ZBTB25: variants seen among roughly 807,000 people sequenced by gnomAD.
The protein encoded by ZBTB25 is zinc finger and BTB domain-containing protein 25.
ZBTB25 carries 20 observed loss-of-function variants against 34.2 expected under a neutral mutation model. That is an observed-to-expected ratio of 0.58 (90% CI 0.41 to 0.85). ZBTB25 has a LOEUF of 0.85. ZBTB25 is among the 40% of genes least tolerant of loss of function. The pLI is 0.00. For synonymous variants in ZBTB25, 175 were observed against 186.4 expected (o/e 0.94, Z 0.50); for missense variants, 437 against 521.8 (o/e 0.84, Z 1.58).
chr14:64,455,481 C>CA (rs2078456152), intron 2 of ZBTB25, among the ~76,000 whole-genome samples: 2 of 152,230 alleles, frequency 1.3e-5, no homozygotes, highest in Admixed American at 1.3e-4. Flanking sequence ...AGTTGGGAAG[C>CA]AGAGGGGAGG....
chr14:64,481,786 A>AC lies in ZBTB25; in HGVS notation c.*5136dup, dbSNP rs2078797508. 1 of 152,262 alleles carries AC rather than the reference A, an allele frequency of 6.6e-6. No individual in the cohort carries two copies. The highest frequency in any genetic ancestry group is 6.5e-5 in the Admixed American group (1 of 15,286). 9.4% of individuals were successfully genotyped at this position (152,262 alleles called of 1,614,324 possible). A position where few individuals can be genotyped will look rare whatever the true frequency, so the allele number is the denominator to read the frequency against. ...TTTCAAAATGTCCAACCATACAAAC[A>AC]CAGAAGTACAGCAGAGAGAAATCAT... On this transcript the variant is annotated 3_prime_UTR_variant, in exon 3 of 3. Transcript: ENST00000608382.
In ZBTB25 at chr14:64,487,458, T is replaced by C. The variant is rs750604265; in HGVS notation, c.773A>G (p.His258Arg). Residue 258 changes from histidine to arginine, a missense_variant, in exon 3 of 3, where the codon CAT (histidine) becomes CGT (arginine). Transcript: ENST00000608382. ...TGGCAGGGATCCAGACACATGTGTATGGAGATGTTGCCTTAGGTTACTACG... is the reference window on the plus strand; with the variant it reads ...TGGCAGGGATCCAGACACATGTGTACGGAGATGTTGCCTTAGGTTACTACG... ...DSRSNLRQHL[H>R]THVSGSLPFG... 1.2e-6 allele frequency: 2 copies of C among 1,614,178 alleles called. No homozygotes were observed. The highest frequency in any genetic ancestry group is 1.7e-6 in the Non-Finnish European group (2 of 1,180,014).
Position 64,485,657 on chromosome 14 carries a change from G to C in ZBTB25, c.*1266C>G. ...AATGTATCCACTTTGCTGGTTTTAT[G>C]GATCAGGAAAAAAGTGAAAACTGTG... On this transcript the variant is annotated 3_prime_UTR_variant, in exon 3 of 3. Coordinates refer to ENST00000608382, the MANE Select transcript of ZBTB25 (RefSeq NM_006977.5). 6.1e-6 allele frequency: 6 copies of C among 985,284 alleles called. No homozygotes were observed. The highest frequency in any genetic ancestry group is 7.2e-6 in the Non-Finnish European group (6 of 829,900). 61.0% of individuals were successfully genotyped at this position (985,284 alleles called of 1,614,324 possible). A position where few individuals can be genotyped will look rare whatever the true frequency, so the allele number is the denominator to read the frequency against.
Position 64,486,368 on chromosome 14 carries a change from A to T in ZBTB25, c.*555T>A. 1 of 985,446 alleles carries T rather than the reference A, an allele frequency of 1.0e-6. No homozygotes were observed. Among genetic ancestry groups the T allele is most frequent in the Non-Finnish European group, 1.2e-6 (1 of 829,936 alleles). 61.0% of individuals were successfully genotyped at this position (985,446 alleles called of 1,614,324 possible). A position where few individuals can be genotyped will look rare whatever the true frequency, so the allele number is the denominator to read the frequency against. ...AAGCCATGTAGGTAAGATGTTGTGG[A>T]GCTAGTAGTTAAAAAATAAAACTAC... On this transcript the variant is annotated 3_prime_UTR_variant, in exon 3 of 3. Coordinates refer to ENST00000608382, the MANE Select transcript of ZBTB25 (RefSeq NM_006977.5).
At position 64,480,049 on chromosome 14, in the gene ZBTB25, C is replaced by T. The variant is rs528035873; in HGVS notation, c.*6874G>A. 180 of 160,558 alleles carry T rather than the reference C, an allele frequency of 1.1e-3. 2 individuals carry two copies. The highest frequency in any genetic ancestry group is 3.4e-3 in the Admixed American group (53 of 15,566). 9.9% of individuals were successfully genotyped at this position (160,558 alleles called of 1,614,324 possible). A position where few individuals can be genotyped will look rare whatever the true frequency, so the allele number is the denominator to read the frequency against. On this transcript the variant is annotated 3_prime_UTR_variant, in exon 3 of 3. Transcript: ENST00000608382. ...AATAGAGAAGAAAGAAGCAGCTGGG[C>T]GCGGTGGCTCACGCCTGTAATCCCA...
At position 64,469,511 on chromosome 14, in the gene ZBTB25, G is replaced by A. The variant is rs757160210; in HGVS notation, c.174-19873C>T. ...TTCAGCTGAAAATGAGCAAGTAGGG[G>A]TTTTTGCTAATGATAATGGTTTTGA... is the stretch of plus-strand genomic sequence containing the variant. On this transcript the variant is annotated intron_variant, in intron 2 of 2. Coordinates refer to the ZBTB25 transcript ENST00000555220. 5 of 1,613,378 alleles carry A rather than the reference G, an allele frequency of 3.1e-6. No individual in the cohort carries two copies. In the East Asian group the frequency reaches 8.9e-5, roughly 29 times the overall value.
intron 2 of ZBTB25, among the ~76,000 whole-genome samples, chr14:64,489,025 T>A (rs2078979394): frequency 6.6e-6 from 1 of 152,148 alleles, no homozygotes; most frequent in Admixed American, 6.5e-5. Context: ...GGCAGGTGGA[T>A]CATCTGAGGT....
intron 1 of ZBTB25, chr14:64,502,856 C>A: frequency 1.0e-6 from 1 of 982,258 alleles, no homozygotes; most frequent in Non-Finnish European, 1.2e-6. Flanking sequence ...CTATAAGGCA[C>A]CTCTCGGCTC....
intron 2 of ZBTB25, among the ~76,000 whole-genome samples, chr14:64,488,803 TAAAA>T (rs2141025656): frequency 6.6e-6 from 1 of 152,292 alleles, no homozygotes. Context: ...TTTGGGGTGA[TAAAA>T]AAGTTTTGGA....
intron 1 of ZBTB25, among the ~76,000 whole-genome samples, chr14:64,494,248 C>T (rs972812667): frequency 2.6e-5 from 4 of 152,150 alleles, no homozygotes; most frequent in Admixed American, 2.0e-4. Context: ...ACAAACATGT[C>T]GAGTGTACTG....
At chr14:64,464,696 A>G (rs1385422386) in intron 2 of ZBTB25, among the ~76,000 whole-genome samples, 6 of 152,198 alleles carry the variant, frequency 3.9e-5, no homozygotes, top group Non-Finnish European at 8.8e-5. Context: ...GGATCCTACT[A>G]GATTTTACAG....
intron 1 of ZBTB25, among the ~76,000 whole-genome samples, chr14:64,493,018 G>T (rs1028580606): frequency 2.6e-5 from 4 of 151,812 alleles, no homozygotes; most frequent in African/African-American, 9.7e-5. Flanking sequence ...AGGCCAGGCA[G>T]AAAAAATAAA....
intron 2 of ZBTB25, chr14:64,468,470 G>A: frequency 1.2e-6 from 2 of 1,614,084 alleles, no homozygotes; most frequent in Non-Finnish European, 1.7e-6. Context: ...TCCTGGGGCT[G>A]AAAGGCAGAA....
chr14:64,471,971 T>A (rs910067864), intron 2 of ZBTB25: 2 of 166,426 alleles, frequency 1.2e-5, no homozygotes, highest in Admixed American at 1.3e-4. Context: ...CAAGATTCTT[T>A]GCTGAAGTGC....
chr14:64,491,364 G>A (rs1465852551), intron 1 of ZBTB25, among the ~76,000 whole-genome samples: 3 of 152,180 alleles, frequency 2.0e-5, no homozygotes, highest in Non-Finnish European at 2.9e-5. Context: ...TACTTGAGGG[G>A]CTGAGGCAGG....
chr14:64,502,674 C>G (rs1452865091), intron 1 of ZBTB25: 2 of 985,530 alleles, frequency 2.0e-6, no homozygotes, highest in Non-Finnish European at 2.4e-6. Flanking sequence ...ACATTCTCTA[C>G]AGGTGAGTGG....
In ZBTB25 at chr14:64,487,568, G is replaced by A. The variant is rs1421054474; in HGVS notation, c.663C>T (p.Pro221=). 6.2e-7 allele frequency: 1 copy of A among 1,609,162 alleles called. No individual in the cohort carries two copies. The highest frequency in any genetic ancestry group is 8.5e-7 in the Non-Finnish European group (1 of 1,176,234). The stretch of plus-strand genomic sequence containing the variant: ...AAGTGGGGCCTGTCACCTCTGATGA[G>A]GGTGAGGGGTGGCTCTGGGAGATCA... ...ESVISQSHPS[P]SSEVTGPTFT... is the part of the protein sequence containing the mutation. Residue 221 remains proline (P), a synonymous_variant, in exon 3 of 3, where the codon CCC becomes CCT. Coordinates refer to ENST00000608382, the MANE Select transcript of ZBTB25 (RefSeq NM_006977.5).
At position 64,485,792 on chromosome 14, in the gene ZBTB25, T is replaced by A; in HGVS notation, c.*1131A>T. The A allele has an allele frequency of 3.0e-6, 3 of 985,366 alleles. No homozygotes were observed. The highest frequency in any genetic ancestry group is 3.6e-6 in the Non-Finnish European group (3 of 829,920). 61.0% of individuals were successfully genotyped at this position (985,366 alleles called of 1,614,324 possible). ...AACATGATTTATATTTTATCATCAT[T>A]CTCTTTCAACTCATGTAAACCTCTG... On this transcript the variant is annotated 3_prime_UTR_variant, in exon 3 of 3. Transcript: ENST00000608382.
exon 3 of ZBTB25, chr14:64,449,121 A>G (rs754309517): frequency 2.6e-6 from 1 of 390,962 alleles, no homozygotes; most frequent in South Asian, 2.2e-5. Flanking sequence ...AAATGCTAGT[A>G]TTTACTGATT....
Sources: allele counts gnomAD v4.1 joint callset (sites outside exome capture counted in the v4.1 genomes callset), GRCh38; gene constraint gnomAD v4.1.1; transcripts MANE v1.5; gene names NCBI Gene and HGNC (gene_info 2026-07-23, HGNC 2026-07-21).